The following KALRN variants were observed in gnomAD, a reference collection of about 807,000 sequenced individuals.
KALRN encodes the protein kalirin RhoGEF kinase, also known as kalirin.
A neutral mutation model predicts 353.7 loss-of-function variants in KALRN; 70 were observed. The observed-to-expected ratio is 0.20, with a 90% confidence interval of 0.16 to 0.24. The LOEUF (loss-of-function observed/expected upper bound fraction) is 0.24, where lower values mean the gene tolerates loss of function less well. Among genes scored for constraint, KALRN ranks in the 10% least tolerant of loss-of-function variants. The probability of loss-of-function intolerance (pLI) is 1.00; values close to 1 mark genes in which losing one functional copy is unlikely to be tolerated. For synonymous variants in KALRN, 1,391 were observed against 1,434.8 expected (o/e 0.97, Z 0.69); for missense variants, 2,791 against 3,756.7 (o/e 0.74, Z 6.72).
intron 7 of KALRN, among the ~76,000 whole-genome samples, chr3:124,328,367 C>T (rs1302712951): frequency 6.6e-6 from 1 of 152,194 alleles, no homozygotes; most frequent in Non-Finnish European, 1.5e-5. Flanking sequence ...AACTGCTTCT[C>T]TCTTTGTCTC....
chr3:124,655,483 T>G (rs1578702034), intron 38 of KALRN, 118 bp from the exon 39 acceptor site: 1 of 732,240 alleles, frequency 1.4e-6, no homozygotes, highest in East Asian at 2.5e-5. Flanking sequence ...GAGATAAGTG[T>G]GGGTGTTTTA....
At chr3:124,557,334 G>T (rs1404678648) in intron 33 of KALRN, among the ~76,000 whole-genome samples, 1 of 152,156 alleles carries the variant, frequency 6.6e-6, no homozygotes, top group African/African-American at 2.4e-5. Context: ...GCATTTTCAT[G>T]CTTAAAGTAC....
At chr3:124,485,327 G>T (rs2062438561) in intron 28 of KALRN, among the ~76,000 whole-genome samples, 1 of 152,174 alleles carries the variant, frequency 6.6e-6, no homozygotes, top group Non-Finnish European at 1.5e-5. Flanking sequence ...AGTTCTAAAA[G>T]AAATATAGCT....
Position 124,666,638 on chromosome 3 carries a change from A to C in KALRN, c.6531+4A>C. The C allele has an allele frequency of 1.9e-6, 3 of 1,613,230 alleles. No individual in the cohort carries two copies. Among genetic ancestry groups the C allele is most frequent in the Non-Finnish European group, 1.7e-6 (2 of 1,179,320 alleles). On this transcript the variant is annotated splice_donor_region_variant and intron_variant, in intron 46 of 59. Transcript: ENST00000682506. ...CATGTTCAAAAGGAGCATCAAGGTG[A>C]GGATCCCAATGGTGATGAGAAGAGG...
At chr3:124,064,075 G>T (rs935959798) in intron 1 of KALRN, among the ~76,000 whole-genome samples, 2 of 152,124 alleles carry the variant, frequency 1.3e-5, no homozygotes, top group Non-Finnish European at 2.9e-5. Flanking sequence ...GGTTTGATAG[G>T]CCCCATGTTA....
chr3:124,625,620 T>G (rs570406080), intron 34 of KALRN, among the ~76,000 whole-genome samples: 6 of 152,260 alleles, frequency 3.9e-5, no homozygotes, highest in African/African-American at 1.4e-4. Context: ...AACTGATTCT[T>G]TACCACAGAC....
intron 10 of KALRN, among the ~76,000 whole-genome samples, chr3:124,367,104 T>A (rs1255196521): frequency 1.2e-3 from 87 of 74,020 alleles, no homozygotes; most frequent in South Asian, 2.3e-3. Flanking sequence ...CTGGCCGGGC[T>A]GAGGGGCTCC....
intron 10 of KALRN, among the ~76,000 whole-genome samples, chr3:124,357,760 C>G (rs1285129312): frequency 6.6e-6 from 1 of 152,166 alleles, no homozygotes; most frequent in East Asian, 1.9e-4. Context: ...CAGTTTTTTG[C>G]TATCCTCACT....
chr3:124,687,072 C>T (rs2061598737), intron 51 of KALRN, among the ~76,000 whole-genome samples: 3 of 152,006 alleles, frequency 2.0e-5, no homozygotes, highest in Admixed American at 2.0e-4. Flanking sequence ...GCCTCAGCCT[C>T]CCAAAGTGCT....
At chr3:124,534,513 G>A (rs545868398) in intron 33 of KALRN, among the ~76,000 whole-genome samples, 11 of 152,260 alleles carry the variant, frequency 7.2e-5, no homozygotes, top group East Asian at 3.9e-4. Context: ...CACATTCTGC[G>A]TGTGTATCCC....
At chr3:124,311,324 A>T (rs2078248048) in intron 6 of KALRN, among the ~76,000 whole-genome samples, 1 of 151,900 alleles carries the variant, frequency 6.6e-6, no homozygotes, top group Non-Finnish European at 1.5e-5. Flanking sequence ...CTAACTGGGC[A>T]TGGTGGGGCA....
chr3:124,284,731 C>G (rs2075666952), intron 5 of KALRN, among the ~76,000 whole-genome samples: 1 of 152,158 alleles, frequency 6.6e-6, no homozygotes, highest in Non-Finnish European at 1.5e-5. Flanking sequence ...GAGGGTGTGA[C>G]TCTTGGTATC....
chr3:124,093,264 A>G (rs913645307), intron 1 of KALRN, among the ~76,000 whole-genome samples: 2 of 152,212 alleles, frequency 1.3e-5, no homozygotes, highest in Admixed American at 6.5e-5. Context: ...TGAGGGAGAC[A>G]TGCCTCCAGT....
intron 1 of KALRN, among the ~76,000 whole-genome samples, chr3:124,136,930 G>C (rs1451113973): frequency 6.6e-6 from 1 of 152,214 alleles, no homozygotes; most frequent in Non-Finnish European, 1.5e-5. Flanking sequence ...AGTGATGCCA[G>C]AGGTGGGGAG....
intron 3 of KALRN, among the ~76,000 whole-genome samples, chr3:124,264,011 G>C (rs181256345): frequency 1.4e-3 from 219 of 151,158 alleles, no homozygotes; most frequent in Non-Finnish European, 2.5e-3. Flanking sequence ...AGGTTGGGTA[G>C]CTCCTATCCA....
chr3:124,611,603 T>C (rs2077979082), intron 34 of KALRN, among the ~76,000 whole-genome samples: 1 of 152,164 alleles, frequency 6.6e-6, no homozygotes, highest in South Asian at 2.1e-4. Flanking sequence ...TGGTCAGAAA[T>C]TAAAGATTGT....
chr3:124,261,696 G>T (rs139035523), intron 3 of KALRN, among the ~76,000 whole-genome samples: 175 of 152,302 alleles, frequency 1.1e-3, no homozygotes, highest in African/African-American at 4.0e-3. Flanking sequence ...AATATTTGTT[G>T]TTAGGGACAA....
chr3:124,685,306 G>A (rs556204945), intron 51 of KALRN, among the ~76,000 whole-genome samples: 2 of 152,178 alleles, frequency 1.3e-5, no homozygotes, highest in South Asian at 4.2e-4. Context: ...GAGCTTAGTG[G>A]CTGCTTCCCT....
In KALRN at chr3:124,322,680, G is replaced by A. The variant is rs73858415; in HGVS notation, c.1093-3300G>A. Among the ~76,000 whole-genome samples, 737 of 152,274 alleles carry A rather than the reference G, an allele frequency of 4.8e-3. 9 individuals are homozygous for A. The highest frequency in any genetic ancestry group is 0.017 in the African/African-American group (708 of 41,550). ...GATTGACCAAAGGCCATGAAAAGTC[G>A]TTTATGCTTAATGAGTAAGCACTCC... On this transcript the variant is annotated intron_variant, in intron 6 of 59. Transcript: ENST00000682506.
Sources: gnomAD v4.1 joint callset for allele counts (sites outside exome capture counted in the v4.1 genomes callset) on GRCh38, gnomAD v4.1.1 for gene constraint, MANE v1.5 for transcripts, NCBI Gene and HGNC (gene_info 2026-07-23, HGNC 2026-07-21) for gene names.